ANKRD12: variants seen among roughly 807,000 people sequenced by gnomAD.
ANKRD12 encodes ankyrin repeat domain 12, also known as ankyrin repeat domain-containing protein 12.
A neutral mutation model predicts 183.4 loss-of-function variants in ANKRD12; 85 were observed. The observed-to-expected ratio is 0.46, with a 90% confidence interval of 0.39 to 0.56. The LOEUF (loss-of-function observed/expected upper bound fraction) is 0.56, where lower values mean the gene tolerates loss of function less well. Among genes scored for constraint, ANKRD12 ranks in the 20% least tolerant of loss-of-function variants. ANKRD12 has a pLI of 0.00. For synonymous variants in ANKRD12, 914 were observed against 800.2 expected, an observed-to-expected ratio of 1.14 and a Z score of -2.40; for missense variants, 2,405 against 2,357.1, an observed-to-expected ratio of 1.02 and a Z score of -0.42.
rs146002884 is a variant in ANKRD12, at chr18:9,188,598, A to G, written c.87+6079A>G. Among the ~76,000 whole-genome samples the G allele has an allele frequency of 1.7e-4, 26 of 152,362 alleles. No individual in the cohort carries two copies. In the East Asian group the frequency reaches 4.0e-3, roughly 24 times the overall value. On this transcript the variant is annotated intron_variant, in intron 2 of 12. Coordinates refer to ENST00000262126, the MANE Select transcript of ANKRD12 (RefSeq NM_015208.5). ...CACTTCACTTTATTGTGCTTTGCAGATAATTGTGCTTTTTACAAATTGAAG... is the reference window on the plus strand; with the variant it reads ...CACTTCACTTTATTGTGCTTTGCAGGTAATTGTGCTTTTTACAAATTGAAG...
At chr18:9,179,744 T>G in intron 1 of ANKRD12, among the ~76,000 whole-genome samples, 1 of 152,210 alleles carries the variant, frequency 6.6e-6, no homozygotes, top group East Asian at 1.9e-4. Context: ...TCTTGAACTT[T>G]TAGGCTCAAG....
chr18:9,145,292 A>G (rs988661326), intron 1 of ANKRD12, among the ~76,000 whole-genome samples: 2 of 152,140 alleles, frequency 1.3e-5, no homozygotes, highest in African/African-American at 4.8e-5. Flanking sequence ...CAGACTCTGG[A>G]TGTAGTGAAG....
intron 8 of ANKRD12, among the ~76,000 whole-genome samples, chr18:9,229,724 T>A (rs189319372): frequency 7.9e-5 from 12 of 152,244 alleles, no homozygotes; most frequent in Admixed American, 4.6e-4. Flanking sequence ...GTGTTGAAAT[T>A]ATTATATGGT....
chr18:9,208,496 A>G (rs191136311), intron 4 of ANKRD12, among the ~76,000 whole-genome samples, 161 bp from the exon 5 acceptor site: 5 of 152,250 alleles, frequency 3.3e-5, no homozygotes, highest in Admixed American at 1.3e-4. Flanking sequence ...AATTGTTTAT[A>G]TAATATAAAA....
chr18:9,257,172 G>C lies in ANKRD12; in HGVS notation c.3905G>C (p.Arg1302Thr), dbSNP rs1285670944. ...EDVKLIISEG[R>T]PTIEVRRCSM... Reference sequence around the variant, plus strand: ...GTTAAACTAATTATAAGCGAGGGGAGACCTACCATAGAAGTTCGAAGATGT... The same window carrying C: ...GTTAAACTAATTATAAGCGAGGGGACACCTACCATAGAAGTTCGAAGATGT... The change falls in exon 9 of 13, where the codon AGA becomes ACA. Residue 1302 changes from arginine (R) to threonine (T), a missense_variant. Transcript: ENST00000262126. The C allele has an allele frequency of 3.1e-6, 5 of 1,614,116 alleles. No individual in the cohort carries two copies. The highest frequency in any genetic ancestry group is 1.7e-5 in the Admixed American group (1 of 60,008).
intron 8 of ANKRD12, among the ~76,000 whole-genome samples, chr18:9,252,759 G>T (rs1272195037): frequency 6.6e-6 from 1 of 152,148 alleles, no homozygotes; most frequent in Non-Finnish European, 1.5e-5. Flanking sequence ...GAGCTCAGGT[G>T]TTCAAGACCA....
rs1202229756 is a variant in ANKRD12 at position 9,282,552 on chromosome 18, G to C, written c.*1426G>C. On this transcript the variant is annotated 3_prime_UTR_variant, in exon 13 of 13. Transcript: ENST00000262126. ...AGGTCTGAAATCTGCTGCTGAACTT[G>C]TTAGACATTTTTGAAAGGAAAATTA... is the stretch of plus-strand genomic sequence containing the variant. 6.6e-6 allele frequency: 1 copy of C among 152,452 alleles called. No individual in the cohort carries two copies. The highest frequency in any genetic ancestry group is 1.5e-5 in the Non-Finnish European group (1 of 67,966). The allele number at this position is 152,452 out of a possible 1,614,324, so 9.4% of individuals were successfully genotyped here. A position where few individuals can be genotyped will look rare whatever the true frequency, so the allele number is the denominator to read the frequency against.
At chr18:9,231,771 G>A (rs2037064974) in intron 8 of ANKRD12, among the ~76,000 whole-genome samples, 2 of 145,646 alleles carry the variant, frequency 1.4e-5, no homozygotes, top group African/African-American at 5.1e-5. Flanking sequence ...GTTGCAGGGG[G>A]CTGAGATCAT....
intron 8 of ANKRD12, among the ~76,000 whole-genome samples, chr18:9,234,906 CT>C (rs975983654): frequency 9.9e-5 from 15 of 152,122 alleles, no homozygotes; most frequent in South Asian, 4.1e-4. Context: ...CTCACTTACT[CT>C]TTCCCCTGGC....
At chr18:9,171,986 C>T (rs2032777833) in intron 1 of ANKRD12, among the ~76,000 whole-genome samples, 1 of 149,176 alleles carries the variant, frequency 6.7e-6, no homozygotes, top group African/African-American at 2.5e-5. Context: ...CACCATTGTA[C>T]TCTATCCTGG....
intron 3 of ANKRD12, among the ~76,000 whole-genome samples, chr18:9,201,678 TG>T (rs1287389321): frequency 6.6e-6 from 1 of 152,200 alleles, no homozygotes; most frequent in Admixed American, 6.5e-5. Context: ...ATAAATCTGA[TG>T]TTCTGTAGAG....
At chr18:9,242,294 TC>T (rs1396372377) in intron 8 of ANKRD12, among the ~76,000 whole-genome samples, 1 of 152,198 alleles carries the variant, frequency 6.6e-6, no homozygotes, top group African/African-American at 2.4e-5. Context: ...TGATGTGTTT[TC>T]CTTAGAAACT....
intron 10 of ANKRD12, among the ~76,000 whole-genome samples, chr18:9,267,743 G>C (rs375111205): frequency 2.6e-5 from 4 of 152,094 alleles, no homozygotes; most frequent in Admixed American, 6.6e-5. Flanking sequence ...CATTCAAAAG[G>C]TAGCAGAAGG....
chr18:9,194,749 T>C (rs116330901), intron 2 of ANKRD12, among the ~76,000 whole-genome samples: 1,857 of 152,322 alleles, frequency 0.012, 34 homozygotes, highest in African/African-American at 0.043. Flanking sequence ...CATCTAGATA[T>C]AATGGTTCTA....
Position 9,255,155 on chromosome 18 carries a change from A to G in ANKRD12, c.1888A>G (p.Ser630Gly), listed in dbSNP as rs2038525449. The change falls in exon 9 of 13, where the codon AGT (serine) becomes GGT (glycine). Residue 630 changes from serine (S) to glycine (G), a missense_variant. Around this residue, in one of 7 missense-constraint regions of ANKRD12, gnomAD observed 1,983 missense variants for 1,725.9 expected, o/e 1.15. Coordinates refer to ENST00000262126, the MANE Select transcript of ANKRD12 (RefSeq NM_015208.5). Reference sequence around the variant, plus strand: ...TGCCAAAATAAAGGATGAAGATCATAGTCCAACATTTGAAAATTCAGATTG... The same window carrying G: ...TGCCAAAATAAAGGATGAAGATCATGGTCCAACATTTGAAAATTCAGATTG... ...SNAKIKDEDHSPTFENSDCTL... is the reference protein window; with the variant it reads ...SNAKIKDEDHGPTFENSDCTL... The G allele has an allele frequency of 6.3e-7, 1 of 1,587,618 alleles. No individual in the cohort carries two copies. The highest frequency in any genetic ancestry group is 8.5e-7 in the Non-Finnish European group (1 of 1,172,558).
At chr18:9,280,895 C>G in intron 12 of ANKRD12, 46 bp from the exon 13 acceptor site, 1 of 1,569,412 alleles carries the variant, frequency 6.4e-7, no homozygotes, top group African/African-American at 1.4e-5. Context: ...TTAAACAAAG[C>G]AAAGTTAACA....
At chr18:9,145,270 A>G (rs1199900058) in intron 1 of ANKRD12, among the ~76,000 whole-genome samples, 1 of 152,162 alleles carries the variant, frequency 6.6e-6, no homozygotes, top group Non-Finnish European at 1.5e-5. Context: ...TTGCAGGCAT[A>G]TGCCACCATG....
At chr18:9,240,471 A>T (rs1028008877) in intron 8 of ANKRD12, among the ~76,000 whole-genome samples, 5 of 152,170 alleles carry the variant, frequency 3.3e-5, no homozygotes, top group Non-Finnish European at 1.5e-5. Flanking sequence ...TAATCGTGGA[A>T]ATGGAGAAGT....
chr18:9,196,891 T>C (rs183483785), intron 3 of ANKRD12, among the ~76,000 whole-genome samples: 1 of 152,284 alleles, frequency 6.6e-6, no homozygotes, highest in East Asian at 1.9e-4. Context: ...TCAAGCTAAT[T>C]ACTGGATCGC....
Sources: allele counts gnomAD v4.1 joint callset (sites outside exome capture counted in the v4.1 genomes callset), GRCh38; gene constraint gnomAD v4.1.1; regional missense constraint gnomAD v4.1.1; transcripts MANE v1.5; gene names NCBI Gene and HGNC (gene_info 2026-07-23, HGNC 2026-07-21).